Variants in CAMK1D observed in about 807,000 individuals in gnomAD.
CAMK1D encodes calcium/calmodulin-dependent protein kinase type 1D.
CAMK1D carries 9 observed loss-of-function variants against 47.7 expected under a neutral mutation model. That is an observed-to-expected ratio of 0.19 (90% CI 0.11 to 0.33). CAMK1D has a LOEUF of 0.33. Ranked by LOEUF, CAMK1D falls within the 10% of genes least tolerant of loss-of-function variation. The probability of loss-of-function intolerance (pLI) is 1.00; values close to 1 mark genes in which losing one functional copy is unlikely to be tolerated. For synonymous variants in CAMK1D, 184 were observed against 184.9 expected (o/e 0.99, Z 0.04); for missense variants, 291 against 488.7 (o/e 0.60, Z 3.81).
At chr10:12,474,548 A>G (rs1833846322) in intron 1 of CAMK1D, among the ~76,000 whole-genome samples, 1 of 151,738 alleles carries the variant, frequency 6.6e-6, no homozygotes, top group South Asian at 2.1e-4. Context: ...CATAACATAA[A>G]CTTTACCATT....
At chr10:12,694,759 T>C (rs1833193335) in intron 3 of CAMK1D, among the ~76,000 whole-genome samples, 1 of 151,324 alleles carries the variant, frequency 6.6e-6, no homozygotes, top group Non-Finnish European at 1.5e-5. Context: ...AAGCATCCAG[T>C]CAGGGAGTAA....
chr10:12,615,052 T>G (rs556550292), intron 2 of CAMK1D, among the ~76,000 whole-genome samples: 114 of 152,240 alleles, frequency 7.5e-4, no homozygotes, highest in Non-Finnish European at 1.3e-3. Context: ...GGCTGGGAGC[T>G]GGAGGACTGA....
chr10:12,603,554 C>T (rs1417106833), intron 2 of CAMK1D, among the ~76,000 whole-genome samples: 1 of 152,218 alleles, frequency 6.6e-6, no homozygotes, highest in Non-Finnish European at 1.5e-5. Flanking sequence ...TCCAGTCCAT[C>T]CTGTGCTATT....
At chr10:12,420,314 G>T (rs1840007314) in intron 1 of CAMK1D, among the ~76,000 whole-genome samples, 1 of 152,228 alleles carries the variant, frequency 6.6e-6, no homozygotes, top group Admixed American at 6.5e-5. Context: ...GGTGGCAGCT[G>T]ATGTAGTAGT....
At chr10:12,696,387 A>AT (rs1833297672) in intron 3 of CAMK1D, among the ~76,000 whole-genome samples, 2 of 152,158 alleles carry the variant, frequency 1.3e-5, no homozygotes, top group African/African-American at 4.8e-5. Context: ...AAACACAACA[A>AT]TTATCCGGGC....
At chr10:12,801,354 T>TTATCTATCTATCTATCTATC (rs56165416) in intron 6 of CAMK1D, among the ~76,000 whole-genome samples, 905 of 66,472 alleles carry the variant, frequency 0.014, 24 homozygotes, top group East Asian at 0.02. Context: ...TCTATCTATC[T>TTATCTATCTATCTATCTATC]TATCTATCTA....
intron 1 of CAMK1D, 91 bp from the exon 2 acceptor site, chr10:12,553,134 G>T: frequency 3.2e-5 from 50 of 1,582,376 alleles, no homozygotes; most frequent in Middle Eastern, 1.7e-4. Flanking sequence ...CGTCGTTATT[G>T]TTTACTCAAA....
chr10:12,798,901 G>A (rs902736910), intron 6 of CAMK1D, among the ~76,000 whole-genome samples: 3 of 152,162 alleles, frequency 2.0e-5, no homozygotes, highest in African/African-American at 7.2e-5. Flanking sequence ...TATTGGAGGT[G>A]CACAGCAGCA....
intron 3 of CAMK1D, among the ~76,000 whole-genome samples, chr10:12,703,388 G>A (rs1464011898): frequency 2.6e-5 from 4 of 152,286 alleles, no homozygotes; most frequent in African/African-American, 9.6e-5. Context: ...GCTCGGAACA[G>A]AAGCCACCAG....
At chr10:12,541,524 T>C (rs554803312) in intron 1 of CAMK1D, among the ~76,000 whole-genome samples, 13 of 152,034 alleles carry the variant, frequency 8.6e-5, no homozygotes, top group Non-Finnish European at 1.5e-4. Flanking sequence ...CCACCACGCC[T>C]GGCTAATTTT....
At chr10:12,587,924 T>G (rs2132353467) in intron 2 of CAMK1D, among the ~76,000 whole-genome samples, 1 of 152,134 alleles carries the variant, frequency 6.6e-6, no homozygotes, top group East Asian at 1.9e-4. Context: ...AGATTCTGCC[T>G]TCAAGCTCTT....
intron 1 of CAMK1D, among the ~76,000 whole-genome samples, chr10:12,401,572 G>A (rs1329633226): frequency 6.6e-6 from 1 of 151,368 alleles, no homozygotes; most frequent in Non-Finnish European, 1.5e-5. Context: ...CTGTACAACA[G>A]TGTGGAGGGG....
chr10:12,785,415 G>T (rs1356286977), intron 5 of CAMK1D, among the ~76,000 whole-genome samples: 2 of 152,194 alleles, frequency 1.3e-5, no homozygotes, highest in East Asian at 1.9e-4. Context: ...CTTGCAGGAG[G>T]CATGGGAGCA....
chr10:12,515,211 ACT>A (rs1359998247), intron 1 of CAMK1D, among the ~76,000 whole-genome samples: 2 of 151,336 alleles, frequency 1.3e-5, no homozygotes, highest in Non-Finnish European at 2.9e-5. Flanking sequence ...AGTAAAAATG[ACT>A]CTTACGGTGT....
intron 2 of CAMK1D, among the ~76,000 whole-genome samples, chr10:12,564,586 G>T (rs1389180388): frequency 6.6e-6 from 1 of 152,100 alleles, no homozygotes; most frequent in Admixed American, 6.5e-5. Context: ...CTGATGATTG[G>T]TCTGAAGCCA....
chr10:12,710,987 G>C (rs964388820), intron 3 of CAMK1D, among the ~76,000 whole-genome samples: 5 of 152,114 alleles, frequency 3.3e-5, no homozygotes, highest in Non-Finnish European at 7.4e-5. Flanking sequence ...TGAATGTATT[G>C]CTTGTGTATT....
chr10:12,705,317 T>A (rs1208225252), intron 3 of CAMK1D, among the ~76,000 whole-genome samples: 1 of 151,880 alleles, frequency 6.6e-6, no homozygotes, highest in Non-Finnish European at 1.5e-5. Context: ...AAAAATTAGC[T>A]GGGCGTGATG....
intron 3 of CAMK1D, among the ~76,000 whole-genome samples, chr10:12,755,037 A>G (rs1322366243): frequency 6.6e-6 from 1 of 152,234 alleles, no homozygotes; most frequent in Admixed American, 6.5e-5. Flanking sequence ...TAGCCAGTAT[A>G]TTAGATGGAA....
chr10:12,361,132 T>C (rs1837645622), intron 1 of CAMK1D, among the ~76,000 whole-genome samples: 1 of 152,160 alleles, frequency 6.6e-6, no homozygotes. Context: ...TGTGTTAGCA[T>C]GGTCAGTAAA....
Sources: allele counts gnomAD v4.1 joint callset (sites outside exome capture counted in the v4.1 genomes callset), GRCh38; gene constraint gnomAD v4.1.1; transcripts MANE v1.5; gene names NCBI Gene and HGNC (gene_info 2026-07-23, HGNC 2026-07-21).